The following CP variants were observed in gnomAD, a reference collection of about 807,000 sequenced individuals.
CP encodes the protein ceruloplasmin, also known as caeruloplasmin.
A neutral mutation model predicts 122.4 loss-of-function variants in CP; 64 were observed. The ratio of observed to expected loss-of-function variants is 0.52; its 90% CI spans 0.43 to 0.64. The LOEUF is 0.64. Ranked by LOEUF, CP falls within the 30% of genes least tolerant of loss-of-function variation. The probability of loss-of-function intolerance (pLI) is 0.00; values close to 1 mark genes in which losing one functional copy is unlikely to be tolerated. For synonymous variants in CP, 440 were observed against 436.4 expected (o/e 1.01, Z -0.10); for missense variants, 1,167 against 1,284.4 (o/e 0.91, Z 1.40).
intron 14 of CP, 36 bp from the exon 15 acceptor site, chr3:149,179,698 T>C (rs1304671508): frequency 3.1e-6 from 4 of 1,280,978 alleles, no homozygotes; most frequent in Non-Finnish European, 4.5e-6. Context: ...CTGGTTGTAT[T>C]TGGTTTATAT....
intron 13 of CP, among the ~76,000 whole-genome samples, chr3:149,183,141 A>T (rs918768449): frequency 2.0e-5 from 3 of 152,124 alleles, no homozygotes; most frequent in African/African-American, 7.2e-5. Flanking sequence ...ACAGAGTGAG[A>T]CTCTGTCAAA....
At chr3:149,182,888 C>G (rs895131208) in intron 13 of CP, among the ~76,000 whole-genome samples, 1 of 152,088 alleles carries the variant, frequency 6.6e-6, no homozygotes, top group Non-Finnish European at 1.5e-5. Context: ...TAGTGCCTCA[C>G]GCCTGTAATC....
At chr3:149,178,715 G>A (rs1214885994) in intron 15 of CP, 84 bp from the exon 16 acceptor site, 2 of 953,128 alleles carry the variant, frequency 2.1e-6, no homozygotes, top group East Asian at 5.2e-5. Context: ...AGGGCCTCAG[G>A]AATTTTGGAG....
Position 149,209,198 on chromosome 3 carries a change from G to T in CP, c.781+13C>A, listed in dbSNP as rs1167978146. The T allele has an allele frequency of 6.2e-7, 1 of 1,613,284 alleles. No individual in the cohort carries two copies. The highest frequency in any genetic ancestry group is 8.5e-7 in the Non-Finnish European group (1 of 1,179,496). On this transcript the variant is annotated intron_variant, in intron 4 of 18. Coordinates refer to ENST00000264613, the MANE Select transcript of CP (RefSeq NM_000096.4). ...AAAAAAAAGTAAAGTTAACATGTCT[G>T]CTGTAATCTTACAATACATTCTGTT...
intron 18 of CP, among the ~76,000 whole-genome samples, chr3:149,174,270 A>T (rs916490627): frequency 3.3e-5 from 5 of 152,244 alleles, no homozygotes; most frequent in Admixed American, 3.3e-4. Context: ...TGTAAAGAAC[A>T]TGATTAGGAT....
Position 149,173,697 on chromosome 3 carries a change from T to C in CP, c.*17A>G. On this transcript the variant is annotated 3_prime_UTR_variant, in exon 19 of 19. Transcript: ENST00000264613. ...TTGGTTTTTCTCTTTTTTCCACTTA[T>C]CACCAATTTATTTCATTCAGCCAGA... is the stretch of plus-strand genomic sequence containing the variant. 2.1e-6 allele frequency: 3 copies of C among 1,440,832 alleles called. No individual in the cohort carries two copies. Among genetic ancestry groups the C allele is most frequent in the South Asian group, 1.2e-5 (1 of 81,706 alleles). 89.3% of individuals were successfully genotyped at this position (1,440,832 alleles called of 1,614,324 possible). A position where few individuals can be genotyped will look rare whatever the true frequency, so the allele number is the denominator to read the frequency against.
Position 149,179,542 on chromosome 3 carries a change from G to T in CP, c.2661+14C>A, listed in dbSNP as rs747068403. 8 of 1,588,580 alleles carry T rather than the reference G, an allele frequency of 5.0e-6. No homozygotes were observed. Among genetic ancestry groups the T allele is most frequent in the Non-Finnish European group, 4.3e-6 (5 of 1,157,274 alleles). ...TTTTGGGAAGTGTCACAAAACAAAT[G>T]ATTTGTATTTTACCTTAACTTGATC... is the stretch of plus-strand genomic sequence containing the variant. On this transcript the variant is annotated intron_variant, in intron 15 of 18. Coordinates refer to ENST00000264613, the MANE Select transcript of CP (RefSeq NM_000096.4).
chr3:149,167,385 A>G, intron 4 of CP: 1 of 703,328 alleles, frequency 1.4e-6, no homozygotes, highest in Non-Finnish European at 2.6e-6. Context: ...TATGTTTAAT[A>G]TGTTACGTGT....
rs1194487357 is a variant in CP at position 149,221,726 on chromosome 3, G to A, written c.67C>T (p.His23Tyr). The A allele has an allele frequency of 5.6e-6, 9 of 1,604,730 alleles. No homozygotes were observed. Among genetic ancestry groups the A allele is most frequent in the African/African-American group, 5.4e-5 (4 of 74,638 alleles). Residue 23 changes from histidine (H) to tyrosine (Y), a missense_variant, in exon 1 of 19, where the codon CAT becomes TAT. Around this residue, in one of 2 missense-constraint regions of CP, gnomAD observed 642 missense variants for 627.3 expected, o/e 1.02. Coordinates refer to ENST00000264613, the MANE Select transcript of CP (RefSeq NM_000096.4). ...GTTTCAATAATTCCAATGTAATAATGCTTTTCTTTCGCCCAGGCTGGGGTA... is the reference window on the plus strand; with the variant it reads ...GTTTCAATAATTCCAATGTAATAATACTTTTCTTTCGCCCAGGCTGGGGTA... ...CSTPAWAKEKHYYIGIIETTW... is the reference protein window; with the variant it reads ...CSTPAWAKEKYYYIGIIETTW...
chr3:149,178,414 C>A lies in CP; in HGVS notation c.2878+1G>T. ...AATTGTTTTAGAATAATGTGACATA[C>A]CATGCATTTTATTGCTTTCTATGAA... is the stretch of plus-strand genomic sequence containing the variant. On this transcript the variant is annotated splice_donor_variant, in intron 16 of 18. Coordinates refer to ENST00000264613, the MANE Select transcript of CP (RefSeq NM_000096.4). LOFTEE classifies it high-confidence loss of function. 6.4e-7 allele frequency: 1 copy of A among 1,570,846 alleles called. No homozygotes were observed. Among genetic ancestry groups the A allele is most frequent in the Non-Finnish European group, 8.8e-7 (1 of 1,141,288 alleles).
chr3:149,184,671 A>G (rs917919576), intron 12 of CP, among the ~76,000 whole-genome samples: 3 of 152,230 alleles, frequency 2.0e-5, no homozygotes, highest in Non-Finnish European at 4.4e-5. Flanking sequence ...TCCTCTACTT[A>G]TATCTATTCA....
rs1297518548 is a variant in CP at position 149,210,392 on chromosome 3, A to G, written c.395-13T>C. On this transcript the variant is annotated splice_polypyrimidine_tract_variant and intron_variant, in intron 2 of 18. Transcript: ENST00000264613. ...GGGTAGATGGCCCCTAGGAAGCAAC[A>G]TGCAATGAAGGTGCAAAGTGAATGT... is the stretch of plus-strand genomic sequence containing the variant. 6.2e-7 allele frequency: 1 copy of G among 1,611,560 alleles called. No homozygotes were observed. The highest frequency in any genetic ancestry group is 1.7e-5 in the Admixed American group (1 of 60,014).
intron 4 of CP, among the ~76,000 whole-genome samples, chr3:149,166,701 G>A (rs1270385502): frequency 2.0e-5 from 3 of 152,120 alleles, no homozygotes; most frequent in African/African-American, 2.4e-5. Context: ...ATCATTGGAC[G>A]TAAATCTTTA....
rs915057792 is a variant in CP, at chr3:149,191,507, G to A, written c.1714-3305C>T. ...AAAGTAGAATAAAGCACAACCACTA[G>A]CCAATTCATACTTAGTGGTAAAATA... On this transcript the variant is annotated intron_variant, in intron 9 of 18. Transcript: ENST00000264613. 4.0e-5 allele frequency among the ~76,000 whole-genome samples: 6 copies of A among 151,378 alleles called. 1 individual carries two copies. The highest frequency in any genetic ancestry group is 1.3e-4 in the Admixed American group (2 of 15,248).
chr3:149,178,769 A>G (rs946196764), intron 15 of CP, 138 bp from the exon 16 acceptor site: 5 of 670,640 alleles, frequency 7.5e-6, no homozygotes, highest in Non-Finnish European at 1.3e-5. Flanking sequence ...GGTACTGCCA[A>G]TTTAGTAACT....
chr3:149,198,076 T>C (rs1006011935), intron 9 of CP, among the ~76,000 whole-genome samples: 1 of 152,158 alleles, frequency 6.6e-6, no homozygotes, highest in African/African-American at 2.4e-5. Context: ...AACATATAAA[T>C]TGATTGTAAT....
chr3:149,189,470 C>T (rs1453115657), intron 9 of CP, among the ~76,000 whole-genome samples: 1 of 150,828 alleles, frequency 6.6e-6, no homozygotes, highest in East Asian at 1.9e-4. Flanking sequence ...AGGAGAATGG[C>T]GTGAACCCAG....
downstream of CP, chr3:149,168,179 A>T (rs1209856322): frequency 1.1e-5 from 6 of 566,282 alleles, no homozygotes; most frequent in Admixed American, 1.9e-4. Flanking sequence ...CACAGAACTG[A>T]TGTTCTTTTA....
In CP at chr3:149,212,445, A is replaced by G; in HGVS notation, c.394+6T>C. On this transcript the variant is annotated splice_donor_region_variant and intron_variant, in intron 2 of 18. Coordinates refer to ENST00000264613, the MANE Select transcript of CP (RefSeq NM_000096.4). ...AGGAAATTCCAGCTACATGAGCTGA[A>G]CTTACCCTCATGTTCCTTATAGTAA... 6.2e-7 allele frequency: 1 copy of G among 1,613,918 alleles called. No homozygotes were observed. The highest frequency in any genetic ancestry group is 8.5e-7 in the Non-Finnish European group (1 of 1,179,922).
Sources: allele counts gnomAD v4.1 joint callset (sites outside exome capture counted in the v4.1 genomes callset), GRCh38; gene constraint gnomAD v4.1.1; regional missense constraint gnomAD v4.1.1; transcripts MANE v1.5; gene names NCBI Gene and HGNC (gene_info 2026-07-23, HGNC 2026-07-21).